Variants in UGT2A1 observed in about 807,000 individuals in gnomAD.
UGT2A1 encodes the protein UDP-glucuronosyltransferase 2A1.
Under a neutral mutation model 45.4 loss-of-function variants are expected in UGT2A1, and 61 were observed. The ratio of observed to expected loss-of-function variants is 1.34; its 90% confidence interval spans 1.09 to 1.66. The LOEUF (loss-of-function observed/expected upper bound fraction) is 1.66, where lower values mean the gene tolerates loss of function less well. Among genes scored for constraint, UGT2A1 ranks in the 40% most tolerant of loss-of-function variants. The pLI, the probability that UGT2A1 is intolerant of heterozygous loss-of-function variation, is 0.00. For synonymous variants in UGT2A1, 229 were observed against 196.2 expected, an observed-to-expected ratio of 1.17 and a Z score of -1.40; for missense variants, 649 against 574.3, an observed-to-expected ratio of 1.13 and a Z score of -1.33.
intron 2 of UGT2A1, among the ~76,000 whole-genome samples, chr4:69,642,344 T>C (rs1007953678): frequency 4.6e-5 from 7 of 151,410 alleles, no homozygotes; most frequent in Non-Finnish European, 1.0e-4. Context: ...ACTAGAAGAT[T>C]TTTCAAAGAT....
intron 3 of UGT2A1, among the ~76,000 whole-genome samples, chr4:69,615,821 T>C (rs1577972041): frequency 6.6e-6 from 1 of 151,926 alleles, no homozygotes; most frequent in Non-Finnish European, 1.5e-5. Context: ...AATATAAAAT[T>C]GGTGCAGCCA....
chr4:69,591,187 T>C (rs1342508401), intron 6 of UGT2A1, among the ~76,000 whole-genome samples: 1 of 152,168 alleles, frequency 6.6e-6, no homozygotes, highest in Non-Finnish European at 1.5e-5. Flanking sequence ...TAGCAAAATA[T>C]GAGTGACCAT....
At chr4:69,626,155 T>G (rs181898604) in intron 3 of UGT2A1, among the ~76,000 whole-genome samples, 2 of 151,680 alleles carry the variant, frequency 1.3e-5, no homozygotes, top group Admixed American at 6.6e-5. Context: ...CTGGGCTATT[T>G]TTTTTTAATT....
chr4:69,612,592 G>C (rs60513330), intron 3 of UGT2A1, among the ~76,000 whole-genome samples: 1,785 of 151,916 alleles, frequency 0.012, 26 homozygotes, highest in African/African-American at 0.041. Flanking sequence ...AAAACCATTT[G>C]ATTTTTCACA....
chr4:69,645,186 G>C (rs1018260261), intron 2 of UGT2A1, among the ~76,000 whole-genome samples: 1 of 151,656 alleles, frequency 6.6e-6, no homozygotes, highest in Admixed American at 6.6e-5. Flanking sequence ...AAATTAATGT[G>C]TCAATGTTAA....
intron 3 of UGT2A1, among the ~76,000 whole-genome samples, chr4:69,608,785 T>A (rs890455461): frequency 6.6e-6 from 1 of 152,104 alleles, no homozygotes; most frequent in Non-Finnish European, 1.5e-5. Flanking sequence ...AACCTCTGCC[T>A]CCTGGGTTCA....
rs143064060 is a variant in UGT2A1, at chr4:69,627,598, A to AAAAGAAAGAAAG, written c.847+8081_847+8092dup. 2.5e-3 allele frequency among the ~76,000 whole-genome samples: 366 copies of AAAAGAAAGAAAG among 149,222 alleles called. 2 individuals carry two copies. The highest frequency in any genetic ancestry group is 8.3e-3 in the African/African-American group (339 of 40,626). ...AGAGAGAAAGAAAAAAAGAAGAAAGAAAAGAAAGAAAGAAAGAGAAGAAAG... is the reference window on the plus strand; with the variant it reads ...AGAGAGAAAGAAAAAAAGAAGAAAGAAAAGAAAGAAAGAAAGAAAGAAAGAAAGAGAAGAAAG... On this transcript the variant is annotated intron_variant, in intron 3 of 6. Transcript: ENST00000286604.
chr4:69,616,850 T>TG (rs1720433610), intron 3 of UGT2A1, among the ~76,000 whole-genome samples: 1 of 129,438 alleles, frequency 7.7e-6, no homozygotes, highest in African/African-American at 2.9e-5. Context: ...TTTTTTTTTT[T>TG]GAATAGTGGT....
At chr4:69,626,834 C>T (rs182480240) in intron 3 of UGT2A1, among the ~76,000 whole-genome samples, 1 of 151,588 alleles carries the variant, frequency 6.6e-6, no homozygotes, top group East Asian at 1.9e-4. Flanking sequence ...ATTTATTTTG[C>T]TTCTCAAATT....
chr4:69,593,048 A>G (rs988883241), intron 6 of UGT2A1, among the ~76,000 whole-genome samples: 1 of 152,168 alleles, frequency 6.6e-6, no homozygotes, highest in Non-Finnish European at 1.5e-5. Flanking sequence ...CTGGAAGGCC[A>G]TAAGTAATAT....
intron 4 of UGT2A1, among the ~76,000 whole-genome samples, chr4:69,596,066 T>C (rs1718903166): frequency 6.6e-6 from 1 of 152,206 alleles, no homozygotes; most frequent in East Asian, 1.9e-4. Context: ...CAAGGCTCAG[T>C]AGGCAAATGA....
Position 69,633,747 on chromosome 4 carries a change from T to G in UGT2A1, c.847+1944A>C, listed in dbSNP as rs182947386. The stretch of plus-strand genomic sequence containing the variant: ...ATATAACGTTTAAAGTCAAGGAAAA[T>G]TGATCCATGGTTTCAGAAGCCAAGA... On this transcript the variant is annotated intron_variant, in intron 3 of 6. Transcript: ENST00000286604. 9.5e-4 allele frequency among the ~76,000 whole-genome samples: 145 copies of G among 152,112 alleles called. 2 individuals are homozygous for G. In the East Asian group the frequency reaches 0.027, roughly 28 times the overall value.
In UGT2A1 at chr4:69,593,524, TAC is replaced by T. The variant is rs557744469; in HGVS notation, c.1304+951_1304+952del. Among the ~76,000 whole-genome samples the T allele has an allele frequency of 1.8e-3, 274 of 151,306 alleles. 1 individual carries two copies. The highest frequency in any genetic ancestry group is 6.3e-3 in the African/African-American group (263 of 41,458). On this transcript the variant is annotated intron_variant, in intron 6 of 6. Coordinates refer to ENST00000286604, the MANE Select transcript of UGT2A1 (RefSeq NM_001252275.3). ...AGAAAAAAATAAGACACAATATATA[TAC>T]ACACACACTATCTACTAAGCTATAT...
intron 1 of UGT2A1, among the ~76,000 whole-genome samples, chr4:69,650,699 T>C (rs1371617060): frequency 6.6e-6 from 1 of 152,098 alleles, no homozygotes; most frequent in Non-Finnish European, 1.5e-5. Context: ...GTATATTACC[T>C]GGAGTAAAAG....
At chr4:69,607,263 T>C (rs1282339568) in intron 3 of UGT2A1, among the ~76,000 whole-genome samples, 35 of 150,088 alleles carry the variant, frequency 2.3e-4, no homozygotes, top group Admixed American at 2.0e-4. Context: ...GAAATAATGC[T>C]GCGTATCTAC....
At chr4:69,590,688 G>A (rs1240781058) in intron 6 of UGT2A1, among the ~76,000 whole-genome samples, 1 of 151,728 alleles carries the variant, frequency 6.6e-6, no homozygotes, top group African/African-American at 2.4e-5. Context: ...TAGTGAAAAA[G>A]AATATAAGTA....
At chr4:69,644,079 G>T (rs538824409) in intron 2 of UGT2A1, among the ~76,000 whole-genome samples, 1 of 151,724 alleles carries the variant, frequency 6.6e-6, no homozygotes, top group East Asian at 1.9e-4. Context: ...TCAGAAGAGG[G>T]TAATTTGATC....
intron 3 of UGT2A1, among the ~76,000 whole-genome samples, chr4:69,618,873 CTT>C (rs1218173100): frequency 6.6e-6 from 1 of 151,708 alleles, no homozygotes; most frequent in African/African-American, 2.4e-5. Flanking sequence ...AGAAACCAAA[CTT>C]CGGAAAATTT....
rs144768656 is a variant in UGT2A1 at position 69,594,434 on chromosome 4, T to C, written c.1304+43A>G. 94 of 1,600,668 alleles carry C rather than the reference T, an allele frequency of 5.9e-5. No individual in the cohort carries two copies. In the African/African-American group the frequency reaches 1.2e-3, roughly 21 times the overall value. On this transcript the variant is annotated intron_variant, in intron 6 of 6. Coordinates refer to ENST00000286604, the MANE Select transcript of UGT2A1 (RefSeq NM_001252275.3). ...GTACATTTTCTGGTATTATGAATAA[T>C]GTAATTAAAGTTAGGCAAGTTTTTA... is the stretch of plus-strand genomic sequence containing the variant.
Sources: allele counts gnomAD v4.1 joint callset (sites outside exome capture counted in the v4.1 genomes callset), GRCh38; gene constraint gnomAD v4.1.1; transcripts MANE v1.5; gene names NCBI Gene and HGNC (gene_info 2026-07-23, HGNC 2026-07-21).